Variants in EVI5 observed in about 807,000 individuals in gnomAD.
EVI5 encodes ecotropic viral integration site 5, also known as ecotropic viral integration site 5 protein homolog.
Under a neutral mutation model 112.0 loss-of-function variants are expected in EVI5, and 73 were observed. The observed-to-expected ratio is 0.65, with a 90% CI of 0.54 to 0.79. The LOEUF is 0.79. EVI5 is among the 30% of genes least tolerant of loss of function. The pLI is 0.00. For missense variants in EVI5, 900 were observed against 968.8 expected (o/e 0.93, Z 0.94); for synonymous variants, 305 against 319.9 (o/e 0.95, Z 0.50).
rs957076651 is a variant in EVI5 at position 92,665,074 on chromosome 1, G to A, written c.1212+865C>T. Among the ~76,000 whole-genome samples, 8 of 152,080 alleles carry A rather than the reference G, an allele frequency of 5.3e-5. No homozygotes were observed. In the South Asian group the frequency reaches 6.2e-4, roughly 12 times the overall value. On this transcript the variant is annotated intron_variant, in intron 11 of 19. Coordinates refer to ENST00000684568, the MANE Select transcript of EVI5 (RefSeq NM_001350197.2). ...ACAAAAATTAGCTAGGCGTGGTGGCGCACGCCTATAATCCCAGCTACTCAG... is the reference window on the plus strand; with the variant it reads ...ACAAAAATTAGCTAGGCGTGGTGGCACACGCCTATAATCCCAGCTACTCAG...
chr1:92,559,011 C>T (rs1668108157), intron 19 of EVI5, among the ~76,000 whole-genome samples: 1 of 152,118 alleles, frequency 6.6e-6, no homozygotes, highest in African/African-American at 2.4e-5. Flanking sequence ...TCCAGGATGT[C>T]CCAAGGATAC....
At chr1:92,652,537 C>A (rs980341375) in intron 13 of EVI5, among the ~76,000 whole-genome samples, 7 of 152,178 alleles carry the variant, frequency 4.6e-5, no homozygotes, top group African/African-American at 1.7e-4. Flanking sequence ...AACAATCCCA[C>A]TGCTGGCTCC....
intron 19 of EVI5, among the ~76,000 whole-genome samples, chr1:92,527,718 T>C (rs1662167651): frequency 6.6e-6 from 1 of 152,218 alleles, no homozygotes; most frequent in Non-Finnish European, 1.5e-5. Flanking sequence ...TTGTATTTAA[T>C]ATAAAGGATT....
At chr1:92,609,687 T>C (rs554396047) in intron 16 of EVI5, among the ~76,000 whole-genome samples, 1 of 152,184 alleles carries the variant, frequency 6.6e-6, no homozygotes, top group African/African-American at 2.4e-5. Context: ...AAATGTTCAG[T>C]TGTTGCCATT....
chr1:92,654,265 G>A (rs945465094), intron 13 of EVI5, among the ~76,000 whole-genome samples: 2 of 152,052 alleles, frequency 1.3e-5, no homozygotes, highest in Non-Finnish European at 2.9e-5. Flanking sequence ...TACTGTCCTG[G>A]AGGCTGAAAT....
intron 16 of EVI5, among the ~76,000 whole-genome samples, chr1:92,618,655 C>T (rs754194741): frequency 5.9e-5 from 9 of 152,038 alleles, no homozygotes; most frequent in Non-Finnish European, 1.2e-4. Flanking sequence ...GGTCACTCCA[C>T]CAGGAAAAAA....
intron 1 of EVI5, among the ~76,000 whole-genome samples, chr1:92,744,596 TCTCTCACACACACACACACA>T (rs779967830): frequency 0.048 from 1,224 of 25,562 alleles, 19 homozygotes; most frequent in African/African-American, 0.067. Context: ...TCTCTCTCTC[TCTCTCACACACACACACACA>T]CACACACACA....
At chr1:92,582,549 A>C (rs1338090300) in intron 18 of EVI5, among the ~76,000 whole-genome samples, 3 of 152,128 alleles carry the variant, frequency 2.0e-5, no homozygotes, top group African/African-American at 7.2e-5. Context: ...GTAGGAATGA[A>C]AGAGCTTGAT....
chr1:92,790,149 A>G (rs1410833593), intron 1 of EVI5, among the ~76,000 whole-genome samples: 1 of 152,154 alleles, frequency 6.6e-6, no homozygotes, highest in Non-Finnish European at 1.5e-5. Flanking sequence ...CTATCTGTAC[A>G]AAAATAAAAA....
At chr1:92,771,629 C>T (rs1487204423) in intron 1 of EVI5, among the ~76,000 whole-genome samples, 1 of 147,950 alleles carries the variant, frequency 6.8e-6, no homozygotes, top group African/African-American at 2.5e-5. Context: ...TTTTTTGAGA[C>T]GGAGTCTCCC....
At chr1:92,590,326 G>A (rs1673599118) in intron 18 of EVI5, among the ~76,000 whole-genome samples, 1 of 152,148 alleles carries the variant, frequency 6.6e-6, no homozygotes, top group South Asian at 2.1e-4. Context: ...CGAGCTAAAG[G>A]AGGAAGTTCG....
intron 1 of EVI5, among the ~76,000 whole-genome samples, chr1:92,775,965 A>G (rs1182641): frequency 1 from 151,621 of 152,006 alleles, 75,622 homozygotes; most frequent in Middle Eastern, 1. Context: ...AAAATTAGCC[A>G]GGCGTGGTGG....
chr1:92,656,552 A>G (rs1394647424), intron 13 of EVI5, among the ~76,000 whole-genome samples: 6 of 152,178 alleles, frequency 3.9e-5, no homozygotes, highest in Middle Eastern at 3.4e-3. Context: ...GAACTAAATG[A>G]AACTGAGAAC....
At chr1:92,532,846 A>AT (rs945472212) in intron 19 of EVI5, among the ~76,000 whole-genome samples, 1 of 152,198 alleles carries the variant, frequency 6.6e-6, no homozygotes, top group African/African-American at 2.4e-5. Flanking sequence ...AAGATCTAAA[A>AT]TTGACACCCT....
intron 18 of EVI5, among the ~76,000 whole-genome samples, chr1:92,568,765 C>T (rs1669879901): frequency 6.6e-6 from 1 of 152,182 alleles, no homozygotes; most frequent in African/African-American, 2.4e-5. Context: ...TCGCCATGAT[C>T]CACTTCCATT....
At chr1:92,543,268 T>G (rs1343896863) in intron 19 of EVI5, among the ~76,000 whole-genome samples, 1 of 152,254 alleles carries the variant, frequency 6.6e-6, no homozygotes, top group East Asian at 1.9e-4. Flanking sequence ...ACTTGCTACT[T>G]CACCTTGTAC....
rs866022912 is a variant in EVI5 at position 92,775,740 on chromosome 1, G to A, written c.-82+9096C>T. On this transcript the variant is annotated intron_variant, in intron 1 of 19. Coordinates refer to ENST00000684568, the MANE Select transcript of EVI5 (RefSeq NM_001350197.2). The stretch of plus-strand genomic sequence containing the variant: ...ACACATGACTGACTGTTACTAACTT[G>A]TGGTAGAAAGAAAAGGCCAATGGGG... Among the ~76,000 whole-genome samples the A allele has an allele frequency of 6.6e-5, 10 of 152,308 alleles. No homozygotes were observed. The South Asian group carries it at 1.5e-3, about 22-fold the overall frequency.
chr1:92,568,865 T>G (rs1376961256), intron 18 of EVI5, among the ~76,000 whole-genome samples: 2 of 152,366 alleles, frequency 1.3e-5, no homozygotes, highest in Middle Eastern at 3.4e-3. Flanking sequence ...CTATGATGCA[T>G]GTAACATACG....
chr1:92,578,661 T>C (rs1671463696), intron 18 of EVI5, among the ~76,000 whole-genome samples: 1 of 149,496 alleles, frequency 6.7e-6, no homozygotes, highest in Admixed American at 6.7e-5. Context: ...GAGCTTCCAG[T>C]GAGCTGAGAT....
Sources: gnomAD v4.1 joint callset for allele counts (sites outside exome capture counted in the v4.1 genomes callset) on GRCh38, gnomAD v4.1.1 for gene constraint, MANE v1.5 for transcripts, NCBI Gene and HGNC (gene_info 2026-07-23, HGNC 2026-07-21) for gene names.